RPAP2: variants seen among roughly 807,000 people sequenced by gnomAD.
RPAP2 encodes putative RNA polymerase II subunit B1 CTD phosphatase RPAP2.
Under a neutral mutation model 73.1 loss-of-function variants are expected in RPAP2, and 52 were observed. The observed-to-expected ratio is 0.71, with a 90% confidence interval of 0.57 to 0.90. The LOEUF (loss-of-function observed/expected upper bound fraction) is 0.90. Among genes scored for constraint, RPAP2 ranks in the 40% least tolerant of loss-of-function variants. RPAP2 has a pLI of 0.00. For synonymous variants in RPAP2, 225 were observed against 242.1 expected, an observed-to-expected ratio of 0.93 and a Z score of 0.65; for missense variants, 598 against 701.8, an observed-to-expected ratio of 0.85 and a Z score of 1.67.
At chr1:92,317,132 G>A (rs12088826) in intron 6 of RPAP2, among the ~76,000 whole-genome samples, 32 of 152,098 alleles carry the variant, frequency 2.1e-4, no homozygotes, top group African/African-American at 7.7e-4. Context: ...GGCCTAATTC[G>A]AATCCTAGAT....
intron 11 of RPAP2, among the ~76,000 whole-genome samples, chr1:92,364,020 G>A (rs1654834228): frequency 6.6e-6 from 1 of 152,134 alleles, no homozygotes; most frequent in African/African-American, 2.4e-5. Context: ...GGGGGAGGGG[G>A]TCAGTGTCCC....
chr1:92,308,914 C>A (rs939820466), intron 6 of RPAP2, among the ~76,000 whole-genome samples: 5 of 151,858 alleles, frequency 3.3e-5, no homozygotes, highest in Non-Finnish European at 7.4e-5. Flanking sequence ...GAGCCAAGAT[C>A]GTGCTGCTGA....
chr1:92,385,221 G>A (rs1276870090), intron 12 of RPAP2, among the ~76,000 whole-genome samples: 1 of 150,318 alleles, frequency 6.7e-6, no homozygotes, highest in Non-Finnish European at 1.5e-5. Context: ...AGAGCAAACA[G>A]TACCTAGCCA....
In RPAP2 at chr1:92,391,498, C is replaced by T. The variant is rs1210832059; in HGVS notation, c.*4487C>T. 6.6e-6 allele frequency: 1 copy of T among 152,154 alleles called. No individual in the cohort carries two copies. 9.4% of individuals were successfully genotyped at this position (152,154 alleles called of 1,614,324 possible). ...CTAGAGAAGCAAGACCAAACAAATT[C>T]AAAAGCTAGCAGAAGGCAAGAAATA... is the stretch of plus-strand genomic sequence containing the variant. On this transcript the variant is annotated 3_prime_UTR_variant, in exon 13 of 13. Coordinates refer to ENST00000610020, the MANE Select transcript of RPAP2 (RefSeq NM_024813.3).
chr1:92,381,750 ATTTAT>A (rs1337552771), intron 12 of RPAP2, among the ~76,000 whole-genome samples: 3 of 151,192 alleles, frequency 2.0e-5, no homozygotes, highest in African/African-American at 7.3e-5. Context: ...GATGTCTGTC[ATTTAT>A]TTTATTATTT....
rs1008411468 is a variant in RPAP2 at position 92,395,085 on chromosome 1, G to C, written c.*8074G>C. On this transcript the variant is annotated 3_prime_UTR_variant, in exon 13 of 13. Coordinates refer to ENST00000610020, the MANE Select transcript of RPAP2 (RefSeq NM_024813.3). ...TGGTCTTTTCAACAAATAGTGCTAGGATATTTGGATATCAAATGCAGAAGA... is the reference window on the plus strand; with the variant it reads ...TGGTCTTTTCAACAAATAGTGCTAGCATATTTGGATATCAAATGCAGAAGA... 3 of 152,076 alleles carry C rather than the reference G, an allele frequency of 2.0e-5. No homozygotes were observed. Among genetic ancestry groups the C allele is most frequent in the African/African-American group, 7.2e-5 (3 of 41,434 alleles). The allele number at this position is 152,076 out of a possible 1,614,324, so 9.4% of individuals were successfully genotyped here.
intron 11 of RPAP2, among the ~76,000 whole-genome samples, chr1:92,364,398 C>T (rs1476995779): frequency 6.6e-6 from 1 of 152,082 alleles, no homozygotes; most frequent in Non-Finnish European, 1.5e-5. Context: ...AGTAGAGTTA[C>T]CTAGAAAGAA....
Position 92,319,029 on chromosome 1 carries a change from C to G in RPAP2, c.489-1570C>G, listed in dbSNP as rs558708534. 2.6e-5 allele frequency among the ~76,000 whole-genome samples: 4 copies of G among 151,670 alleles called. No individual in the cohort carries two copies. The South Asian group carries it at 8.3e-4, about 32-fold the overall frequency. On this transcript the variant is annotated intron_variant, in intron 6 of 12. Transcript: ENST00000610020. ...TTAAGAGATTGGGTAGATTTAAACA[C>G]GATTACATGCTTTAAAAAAGAGAAA...
At position 92,364,533 on chromosome 1, in the gene RPAP2, A is replaced by C. The variant is rs141489129; in HGVS notation, c.1689-16191A>C. 2.4e-4 allele frequency among the ~76,000 whole-genome samples: 36 copies of C among 152,104 alleles called. No homozygotes were observed. In the East Asian group the frequency reaches 6.9e-3, roughly 29 times the overall value. ...TTTTTTGCTGGGCACCTTCATTTGG[A>C]TATCTCCCAAGCATTTCAAACTCTC... On this transcript the variant is annotated intron_variant, in intron 11 of 12. Coordinates refer to ENST00000610020, the MANE Select transcript of RPAP2 (RefSeq NM_024813.3).
In RPAP2 at chr1:92,389,751, C is replaced by G. The variant is rs1302325595; in HGVS notation, c.*2740C>G. On this transcript the variant is annotated 3_prime_UTR_variant, in exon 13 of 13. Coordinates refer to ENST00000610020, the MANE Select transcript of RPAP2 (RefSeq NM_024813.3). ...GTACGGGAACTTCGTGAAGCATACA[C>G]AAGCTTCAATAGCCAATTCGATCAA... 6.6e-6 allele frequency: 1 copy of G among 152,102 alleles called. No individual in the cohort carries two copies. Among genetic ancestry groups the G allele is most frequent in the African/African-American group, 2.4e-5 (1 of 41,400 alleles). 9.4% of individuals were successfully genotyped at this position (152,102 alleles called of 1,614,324 possible).
chr1:92,344,738 C>T (rs879897800), intron 10 of RPAP2, among the ~76,000 whole-genome samples: 4 of 152,170 alleles, frequency 2.6e-5, no homozygotes, highest in Non-Finnish European at 5.9e-5. Context: ...TTCCCATCCT[C>T]ACCAACCCTT....
intron 11 of RPAP2, among the ~76,000 whole-genome samples, chr1:92,359,388 C>T (rs1038275738): frequency 4.6e-5 from 7 of 152,218 alleles, no homozygotes; most frequent in Non-Finnish European, 7.3e-5. Context: ...GGCACAATCT[C>T]GGCTCACCGC....
rs1434883568 is a variant in RPAP2 at position 92,394,323 on chromosome 1, T to A, written c.*7312T>A. ...GGGTAACATCACACACCAGGGCCTG[T>A]GGGGGGTGGGGGGCTAAGGGAGGGA... On this transcript the variant is annotated 3_prime_UTR_variant, in exon 13 of 13. Transcript: ENST00000610020. 6.7e-6 allele frequency: 1 copy of A among 150,182 alleles called. No individual in the cohort carries two copies. Among genetic ancestry groups the A allele is most frequent in the African/African-American group, 2.4e-5 (1 of 40,862 alleles). 9.3% of individuals were successfully genotyped at this position (150,182 alleles called of 1,614,324 possible).
chr1:92,320,815 A>T (rs1652210276), intron 7 of RPAP2, among the ~76,000 whole-genome samples, 181 bp downstream of exon 7: 1 of 152,184 alleles, frequency 6.6e-6, no homozygotes, highest in African/African-American at 2.4e-5. Context: ...TGGTAAGATG[A>T]TGTGTTTGAT....
chr1:92,374,176 G>A (rs1246209290), intron 11 of RPAP2, among the ~76,000 whole-genome samples: 1 of 152,116 alleles, frequency 6.6e-6, no homozygotes, highest in Non-Finnish European at 1.5e-5. Context: ...GCCAACAAGA[G>A]AGATTATAAA....
intron 11 of RPAP2, among the ~76,000 whole-genome samples, chr1:92,366,400 A>G (rs1437374476): frequency 6.6e-6 from 1 of 152,208 alleles, no homozygotes; most frequent in Non-Finnish European, 1.5e-5. Context: ...CAACATCAAT[A>G]ACAGCAGTTT....
rs116701453 is a variant in RPAP2, at chr1:92,355,991, A to T, written c.1688+10077A>T. Among the ~76,000 whole-genome samples the T allele has an allele frequency of 9.6e-3, 1,464 of 152,346 alleles. 22 individuals carry two copies. The highest frequency in any genetic ancestry group is 0.034 in the African/African-American group (1,401 of 41,576). ...TGGAGTGGTTTAGTATCTGCACATT[A>T]TAATAAAGGTGGTAAAGAGCAAAAT... On this transcript the variant is annotated intron_variant, in intron 11 of 12. Transcript: ENST00000610020.
chr1:92,365,073 A>G (rs1654883458), intron 11 of RPAP2, among the ~76,000 whole-genome samples: 1 of 152,084 alleles, frequency 6.6e-6, no homozygotes, highest in South Asian at 2.1e-4. Context: ...TTTTCTTTTC[A>G]TATCTGCCTA....
At chr1:92,383,201 G>A (rs1467183009) in intron 12 of RPAP2, among the ~76,000 whole-genome samples, 16 of 151,916 alleles carry the variant, frequency 1.1e-4, no homozygotes, top group Non-Finnish European at 1.9e-4. Context: ...GTCAGGTAGC[G>A]TGATGCCTCC....
Sources: allele counts gnomAD v4.1 joint callset (sites outside exome capture counted in the v4.1 genomes callset), GRCh38; gene constraint gnomAD v4.1.1; transcripts MANE v1.5; gene names NCBI Gene and HGNC (gene_info 2026-07-23, HGNC 2026-07-21).